KCNH3: variants seen among roughly 807,000 people sequenced by gnomAD.
The protein encoded by KCNH3 is potassium voltage-gated channel subfamily H member 3.
Under a neutral mutation model 95.6 loss-of-function variants are expected in KCNH3, and 36 were observed. The ratio of observed to expected loss-of-function variants is 0.38; its 90% CI spans 0.29 to 0.50. The LOEUF is 0.50. Among genes scored for constraint, KCNH3 ranks in the 20% least tolerant of loss-of-function variants. The probability of loss-of-function intolerance (pLI) is 0.95; values close to 1 mark genes in which losing one functional copy is unlikely to be tolerated. For synonymous variants in KCNH3, 620 were observed against 646.3 expected, an observed-to-expected ratio of 0.96 and a Z score of 0.62; for missense variants, 1,030 against 1,484.1, an observed-to-expected ratio of 0.69 and a Z score of 5.03.
chr12:49,543,525 G>A lies in KCNH3; in HGVS notation c.823+7G>A. 1 of 1,591,246 alleles carries A rather than the reference G, an allele frequency of 6.3e-7. No individual in the cohort carries two copies. ...GAGGTCCTCTTCATCCTTGGTGCGT[G>A]CACTCTGCCCCTTCCGCCCCACCCT... is the stretch of plus-strand genomic sequence containing the variant. On this transcript the variant is annotated splice_region_variant and intron_variant, in intron 5 of 14. Coordinates refer to ENST00000257981, the MANE Select transcript of KCNH3 (RefSeq NM_012284.3).
intron 7 of KCNH3, chr12:49,546,172 T>A (rs755644093): frequency 6.6e-6 from 1 of 152,152 alleles, no homozygotes; most frequent in Non-Finnish European, 1.5e-5. Context: ...GACCTTCAGC[T>A]CCCAAGAATC....
At chr12:49,545,009 A>T (rs1041763550) in intron 7 of KCNH3, among the ~76,000 whole-genome samples, 1 of 151,738 alleles carries the variant, frequency 6.6e-6, no homozygotes, top group Non-Finnish European at 1.5e-5. Flanking sequence ...TGCACCCAAA[A>T]TGTCACCTGG....
At chr12:49,550,043 T>TTCCCCCCC in intron 9 of KCNH3, 37 bp from the exon 10 acceptor site, 48 of 1,299,528 alleles carry the variant, frequency 3.7e-5, no homozygotes, top group Non-Finnish European at 4.7e-5. Flanking sequence ...CTTCTGCCAC[T>TTCCCCCCC]CCCAACCCCC....
Position 49,555,815 on chromosome 12 carries a change from C to T in KCNH3, c.2332C>T (p.Arg778Cys), listed in dbSNP as rs765601250. ...CCCACGTCGAACAGCACCCCGGCCT[C>T]GTCTAGGTGGCAGAGGGAGGCCAGG... ...LSPRRTAPRP[R>C]LGGRGRPGRA... Residue 778 changes from arginine to cysteine, a missense_variant, in exon 12 of 15, where the codon CGT becomes TGT. Arg to Cys is a radical substitution (Grantham distance 180). Coordinates refer to ENST00000257981, the MANE Select transcript of KCNH3 (RefSeq NM_012284.3). 2.5e-6 allele frequency: 4 copies of T among 1,613,482 alleles called. No homozygotes were observed. The highest frequency in any genetic ancestry group is 3.4e-6 in the Non-Finnish European group (4 of 1,179,882).
intron 10 of KCNH3, among the ~76,000 whole-genome samples, chr12:49,551,192 A>C (rs546630757): frequency 2.7e-4 from 41 of 152,176 alleles, no homozygotes; most frequent in Non-Finnish European, 5.3e-4. Flanking sequence ...GGAGGAAGCC[A>C]TCGTTAGGAG....
chr12:49,556,666 G>A (rs949105944), intron 13 of KCNH3, 190 bp downstream of exon 13: 7 of 700,904 alleles, frequency 1.0e-5, no homozygotes, highest in Admixed American at 2.0e-5. Context: ...CTTTAATTTC[G>A]ACGCAGCCAG....
Position 49,548,979 on chromosome 12 carries a change from A to C in KCNH3, c.1274A>C (p.Gln425Pro). The change falls in exon 8 of 15, where the codon CAG becomes CCG. Residue 425 changes from glutamine (Q) to proline (P), a missense_variant. Gln to Pro is a moderately conservative substitution (Grantham distance 76). Transcript: ENST00000257981. Reference sequence around the variant, plus strand: ...CCAGCTGGAGGGAACAGCTCCGGCCAGAGTGACAACTGCAGCAGCAGCAGC... The same window carrying C: ...CCAGCTGGAGGGAACAGCTCCGGCCCGAGTGACAACTGCAGCAGCAGCAGC... ...RRPAGGNSSG[Q>P]SDNCSSSSEA... The C allele has an allele frequency of 6.2e-7, 1 of 1,610,708 alleles. No homozygotes were observed. Among genetic ancestry groups the C allele is most frequent in the Non-Finnish European group, 8.5e-7 (1 of 1,179,034 alleles).
chr12:49,555,372 G>A (rs190495084), intron 11 of KCNH3, among the ~76,000 whole-genome samples: 6 of 149,334 alleles, frequency 4.0e-5, no homozygotes, highest in East Asian at 2.0e-4. Context: ...GCATGAACCC[G>A]GGAGGTGGAG....
At chr12:49,548,754 G>A in intron 7 of KCNH3, 141 bp from the exon 8 acceptor site, 1 of 774,438 alleles carries the variant, frequency 1.3e-6, no homozygotes, top group Non-Finnish European at 2.0e-6. Context: ...GGTGGAGAGG[G>A]GTGTGCTAGG....
intron 7 of KCNH3, among the ~76,000 whole-genome samples, chr12:49,545,188 C>T (rs1938017702): frequency 6.6e-6 from 1 of 152,122 alleles, no homozygotes; most frequent in Admixed American, 6.5e-5. Flanking sequence ...CACAGCTCTC[C>T]CCCTTCACCT....
Position 49,550,061 on chromosome 12 carries a change from C to CCCCCCCCGG in KCNH3, c.1669-19_1669-18insCCCCCCCGG. 6.4e-7 allele frequency: 1 copy of CCCCCCCCGG among 1,556,702 alleles called. No individual in the cohort carries two copies. Among genetic ancestry groups the CCCCCCCCGG allele is most frequent in the Non-Finnish European group, 8.7e-7 (1 of 1,148,698 alleles). Reference sequence around the variant, plus strand: ...CTGCCACTCCCAACCCCCCCACCCCCGCACCTGCTCACCTGCAGCTGCTGC... The same window carrying CCCCCCCCGG: ...CTGCCACTCCCAACCCCCCCACCCCCCCCCCCCGGGCACCTGCTCACCTGCAGCTGCTGC... On this transcript the variant is annotated intron_variant, in intron 9 of 14. Coordinates refer to ENST00000257981, the MANE Select transcript of KCNH3 (RefSeq NM_012284.3).
At position 49,557,402 on chromosome 12, in the gene KCNH3, T is replaced by A; in HGVS notation, c.2701T>A (p.Ser901Thr). The A allele has an allele frequency of 6.2e-7, 1 of 1,600,062 alleles. No individual in the cohort carries two copies. The highest frequency in any genetic ancestry group is 8.5e-7 in the Non-Finnish European group (1 of 1,170,850). The change falls in exon 15 of 15, where the codon TCA becomes ACA. Residue 901 changes from serine (S) to threonine (T), a missense_variant. Coordinates refer to ENST00000257981, the MANE Select transcript of KCNH3 (RefSeq NM_012284.3). ...GCTGCAGATGCGGGAAGGACTGCAG[T>A]CACTTCGCCAGGCTGTGCAGCTTGT... ...QVLQMREGLQ[S>T]LRQAVQLVLA...
At chr12:49,551,593 A>G (rs970963071) in intron 10 of KCNH3, among the ~76,000 whole-genome samples, 5 of 151,494 alleles carry the variant, frequency 3.3e-5, no homozygotes, top group African/African-American at 4.8e-5. Flanking sequence ...AAAAAAAAAA[A>G]AAAAAGAAAA....
Position 49,543,466 on chromosome 12 carries a change from C to T in KCNH3, c.771C>T (p.Ala257=), listed in dbSNP as rs773492224. Residue 257 remains alanine, a synonymous_variant, in exon 5 of 15, where the codon GCC becomes GCT. Coordinates refer to ENST00000257981, the MANE Select transcript of KCNH3 (RefSeq NM_012284.3). ...GCACAGCACGGGAGCCCAGTGCCGC[C>T]CGCGGCCCGCCCAGCGTCTGTGACC... ...CVSTAREPSA[A]RGPPSVCDLA... 1 of 1,601,782 alleles carries T rather than the reference C, an allele frequency of 6.2e-7. No homozygotes were observed. Among genetic ancestry groups the T allele is most frequent in the Non-Finnish European group, 8.5e-7 (1 of 1,179,364 alleles).
intron 10 of KCNH3, 34 bp downstream of exon 10, chr12:49,550,363 C>A: frequency 6.4e-7 from 1 of 1,573,362 alleles, no homozygotes; most frequent in Non-Finnish European, 8.6e-7. Context: ...CGTGGGGGCA[C>A]GTGTGTGTGA....
chr12:49,548,111 T>C (rs1174494032), intron 7 of KCNH3, among the ~76,000 whole-genome samples: 1 of 151,448 alleles, frequency 6.6e-6, no homozygotes, highest in Non-Finnish European at 1.5e-5. Context: ...TGTGTGTGTG[T>C]GTGTGTGTGT....
At position 49,548,922 on chromosome 12, in the gene KCNH3, T is replaced by A; in HGVS notation, c.1217T>A (p.Leu406Gln). 1 of 1,591,112 alleles carries A rather than the reference T, an allele frequency of 6.3e-7. No homozygotes were observed. The highest frequency in any genetic ancestry group is 1.1e-5 in the South Asian group (1 of 88,292). ...IGWLQELARR[L>Q]ETPYYLVGRR... Reference sequence around the variant, plus strand: ...TGGCTGCAGGAGCTGGCCCGCCGACTGGAGACTCCCTACTACCTGGTGGGC... The same window carrying A: ...TGGCTGCAGGAGCTGGCCCGCCGACAGGAGACTCCCTACTACCTGGTGGGC... Residue 406 changes from leucine (L) to glutamine (Q), a missense_variant, in exon 8 of 15, where the codon CTG becomes CAG. Physicochemically the swap from Leu to Gln is moderately radical, Grantham distance 113. This residue lies in a region of KCNH3 where 153 missense variants were observed against 288.5 expected (regional missense o/e 0.53). Coordinates refer to ENST00000257981, the MANE Select transcript of KCNH3 (RefSeq NM_012284.3).
rs147239279 is a variant in KCNH3, at chr12:49,544,201, G to A, written c.1008G>A (p.Thr336=). 2.7e-3 allele frequency: 3,902 copies of A among 1,449,976 alleles called. 47 individuals carry two copies. Among genetic ancestry groups the A allele is most frequent in the South Asian group, 0.018 (1,611 of 87,144 alleles). The allele number at this position is 1,449,976 out of a possible 1,614,324, so 89.8% of individuals were successfully genotyped here. ...NVYFGAHLLK[T]VRLLRLLRLL... The stretch of plus-strand genomic sequence containing the variant: ...ACTTCGGGGCCCATCTGCTGAAGAC[G>A]GTGCGCCTGCTGCGCCTGCTGCGCC... The change falls in exon 7 of 15, where the codon ACG becomes ACA. Residue 336 remains threonine, a synonymous_variant. Coordinates refer to ENST00000257981, the MANE Select transcript of KCNH3 (RefSeq NM_012284.3).
At chr12:49,540,309 C>A (rs1200970651) in intron 1 of KCNH3, among the ~76,000 whole-genome samples, 1 of 152,218 alleles carries the variant, frequency 6.6e-6, no homozygotes, top group Non-Finnish European at 1.5e-5. Flanking sequence ...CAGTGCCCCC[C>A]ACTCCCCAAT....
Sources: gnomAD v4.1 joint callset for allele counts (sites outside exome capture counted in the v4.1 genomes callset) on GRCh38, gnomAD v4.1.1 for gene constraint, gnomAD v4.1.1 regional missense constraint, MANE v1.5 for transcripts, NCBI Gene and HGNC (gene_info 2026-07-23, HGNC 2026-07-21) for gene names.